The following CDK14 variants were observed in gnomAD, a reference collection of about 807,000 sequenced individuals.
The protein encoded by CDK14 is cyclin dependent kinase 14, also known as cyclin-dependent kinase 14.
Under a neutral mutation model 60.7 loss-of-function variants are expected in CDK14, and 34 were observed. The ratio of observed to expected loss-of-function variants is 0.56; its 90% CI spans 0.43 to 0.75. The LOEUF (loss-of-function observed/expected upper bound fraction) is 0.75, where lower values mean the gene tolerates loss of function less well. CDK14 is among the 30% of genes least tolerant of loss of function. The pLI, the probability that CDK14 is intolerant of heterozygous loss-of-function variation, is 0.00. For missense variants in CDK14, 482 were observed against 564.1 expected, an observed-to-expected ratio of 0.85 and a Z score of 1.47; for synonymous variants, 197 against 203.7, an observed-to-expected ratio of 0.97 and a Z score of 0.28.
At chr7:90,990,082 A>G (rs1795486551) in intron 10 of CDK14, among the ~76,000 whole-genome samples, 1 of 152,104 alleles carries the variant, frequency 6.6e-6, no homozygotes, top group Non-Finnish European at 1.5e-5. Flanking sequence ...AATGTAATAA[A>G]ACAGTATAAC....
At chr7:91,024,807 G>A (rs1026363067) in intron 10 of CDK14, among the ~76,000 whole-genome samples, 1 of 152,126 alleles carries the variant, frequency 6.6e-6, no homozygotes, top group Non-Finnish European at 1.5e-5. Context: ...CTTAACCACT[G>A]AGCAGTATAG....
intron 2 of CDK14, among the ~76,000 whole-genome samples, chr7:90,634,943 G>A (rs986755180): frequency 6.6e-6 from 1 of 152,132 alleles, no homozygotes; most frequent in African/African-American, 2.4e-5. Flanking sequence ...TTTGAGAAGT[G>A]TCTGTTCATG....
At chr7:90,636,971 G>A (rs1231157405) in intron 2 of CDK14, among the ~76,000 whole-genome samples, 2 of 150,864 alleles carry the variant, frequency 1.3e-5, no homozygotes, top group African/African-American at 2.4e-5. Flanking sequence ...CTGTGGGATC[G>A]GTGGTGATAT....
intron 9 of CDK14, among the ~76,000 whole-genome samples, chr7:90,982,236 T>C (rs1233061711): frequency 6.6e-6 from 1 of 152,192 alleles, no homozygotes; most frequent in Non-Finnish European, 1.5e-5. Flanking sequence ...GAAAGATCCA[T>C]GAAAGGCATC....
chr7:90,830,885 A>AAG (rs1789891969), intron 5 of CDK14, among the ~76,000 whole-genome samples: 1 of 152,236 alleles, frequency 6.6e-6, no homozygotes, highest in Admixed American at 6.5e-5. Context: ...AAAGCATAGC[A>AAG]AGAGTGACCT....
At position 90,846,338 on chromosome 7, in the gene CDK14, G is replaced by T. The variant is rs538733839; in HGVS notation, c.545-16837G>T. Among the ~76,000 whole-genome samples the T allele has an allele frequency of 1.1e-3, 169 of 152,250 alleles. 5 individuals are homozygous for T. In the South Asian group the frequency reaches 0.033, roughly 30 times the overall value. On this transcript the variant is annotated intron_variant, in intron 5 of 14. Coordinates refer to ENST00000380050, the MANE Select transcript of CDK14 (RefSeq NM_001287135.2). Reference sequence around the variant, plus strand: ...AGTTGTTCAGTTGTTACACTCTCATGCACTTACAAAGATCTGCTGTAATAA... The same window carrying T: ...AGTTGTTCAGTTGTTACACTCTCATTCACTTACAAAGATCTGCTGTAATAA...
intron 2 of CDK14, among the ~76,000 whole-genome samples, chr7:90,678,862 C>G (rs76533270): frequency 0.01 from 1,563 of 152,252 alleles, 28 homozygotes; most frequent in African/African-American, 0.036. Flanking sequence ...ATAAGAAGAA[C>G]AAGAGAATAA....
At chr7:91,105,467 C>A (rs930981595) in intron 12 of CDK14, among the ~76,000 whole-genome samples, 1 of 152,182 alleles carries the variant, frequency 6.6e-6, no homozygotes, top group African/African-American at 2.4e-5. Context: ...AGAATTTCTA[C>A]GTATTCAGGC....
At chr7:91,133,517 A>G (rs1469067417) in intron 14 of CDK14, among the ~76,000 whole-genome samples, 1 of 152,204 alleles carries the variant, frequency 6.6e-6, no homozygotes, top group East Asian at 1.9e-4. Context: ...AAAGCAGATG[A>G]AATATGATAC....
rs764532840 is a variant in CDK14 at position 90,604,209 on chromosome 7, A to C, written c.92-9A>C. On this transcript the variant is annotated splice_polypyrimidine_tract_variant and intron_variant, in intron 1 of 14. Transcript: ENST00000380050. ...CAATAACTGTTTCCTTTTCCTTCTTATTTTATAGCTTTGAAGAAAGATGAC... is the reference window on the plus strand; with the variant it reads ...CAATAACTGTTTCCTTTTCCTTCTTCTTTTATAGCTTTGAAGAAAGATGAC... The C allele has an allele frequency of 6.6e-7, 1 of 1,522,552 alleles. No individual in the cohort carries two copies. Among genetic ancestry groups the C allele is most frequent in the Non-Finnish European group, 8.9e-7 (1 of 1,123,976 alleles). The allele number at this position is 1,522,552 out of a possible 1,614,324, so 94.3% of individuals were successfully genotyped here. A position where few individuals can be genotyped will look rare whatever the true frequency, so the allele number is the denominator to read the frequency against.
chr7:91,083,780 G>T (rs926574795), intron 12 of CDK14, among the ~76,000 whole-genome samples: 1 of 152,156 alleles, frequency 6.6e-6, no homozygotes, highest in African/African-American at 2.4e-5. Context: ...CCTTGGAAAA[G>T]ACAATAAAGA....
At chr7:91,119,169 T>C (rs1799707137) in intron 14 of CDK14, among the ~76,000 whole-genome samples, 1 of 152,154 alleles carries the variant, frequency 6.6e-6, no homozygotes, top group Non-Finnish European at 1.5e-5. Flanking sequence ...AAGTGTGTCT[T>C]TGTTCTGATA....
chr7:90,670,407 T>C (rs1028999602), intron 2 of CDK14, among the ~76,000 whole-genome samples: 1 of 152,208 alleles, frequency 6.6e-6, no homozygotes, highest in Non-Finnish European at 1.5e-5. Context: ...GTGGAGTCTT[T>C]CTACAATTTC....
intron 7 of CDK14, among the ~76,000 whole-genome samples, chr7:90,903,475 T>C (rs1041785793): frequency 3.9e-5 from 6 of 151,938 alleles, no homozygotes; most frequent in Non-Finnish European, 1.5e-5. Context: ...GAAAGACAAA[T>C]AGGGTGTATT....
intron 4 of CDK14, among the ~76,000 whole-genome samples, chr7:90,755,041 G>A (rs1438451625): frequency 1.3e-5 from 2 of 152,180 alleles, no homozygotes; most frequent in Admixed American, 6.5e-5. Context: ...AGCCACTGTG[G>A]AAATCAGTTT....
Position 91,209,735 on chromosome 7 carries a change from C to G in CDK14, c.*2599C>G, listed in dbSNP as rs931742284. On this transcript the variant is annotated 3_prime_UTR_variant, in exon 15 of 15. Transcript: ENST00000380050. ...CTTAATTCCCATTTTCTTAAAATAA[C>G]AGTTTTGTTGACTTAAAAATATGAG... 1.3e-5 allele frequency: 2 copies of G among 152,518 alleles called. No individual in the cohort carries two copies. Among genetic ancestry groups the G allele is most frequent in the African/African-American group, 4.8e-5 (2 of 41,412 alleles). The allele number at this position is 152,518 out of a possible 1,614,324, so 9.4% of individuals were successfully genotyped here. A position where few individuals can be genotyped will look rare whatever the true frequency, so the allele number is the denominator to read the frequency against.
At chr7:91,159,182 C>G (rs1435252079) in intron 14 of CDK14, among the ~76,000 whole-genome samples, 8 of 152,160 alleles carry the variant, frequency 5.3e-5, no homozygotes, top group African/African-American at 1.9e-4. Context: ...GGTATCATGA[C>G]TGTGGGATAC....
At chr7:90,800,410 A>T (rs550332035) in intron 5 of CDK14, among the ~76,000 whole-genome samples, 69 of 152,284 alleles carry the variant, frequency 4.5e-4, no homozygotes, top group Admixed American at 3.8e-3. Flanking sequence ...AATAAATGTT[A>T]TATGAATTAT....
chr7:91,007,764 G>C (rs1796021130), intron 10 of CDK14, among the ~76,000 whole-genome samples: 1 of 150,440 alleles, frequency 6.6e-6, no homozygotes, highest in African/African-American at 2.4e-5. Flanking sequence ...CATCAATAAA[G>C]ATAGTTTGTG....
Sources: allele counts gnomAD v4.1 joint callset (sites outside exome capture counted in the v4.1 genomes callset), GRCh38; gene constraint gnomAD v4.1.1; transcripts MANE v1.5; gene names NCBI Gene and HGNC (gene_info 2026-07-23, HGNC 2026-07-21).